TNS3: variants seen among roughly 807,000 people sequenced by gnomAD.
TNS3 encodes tensin-3.
A neutral mutation model predicts 140.9 loss-of-function variants in TNS3; 45 were observed. That is an observed-to-expected ratio of 0.32 (90% CI 0.25 to 0.41). The LOEUF (loss-of-function observed/expected upper bound fraction) is 0.41. Ranked by LOEUF, TNS3 falls within the 10% of genes least tolerant of loss-of-function variation. The pLI, the probability that TNS3 is intolerant of heterozygous loss-of-function variation, is 1.00. For missense variants in TNS3, 1,716 were observed against 1,906.7 expected, an observed-to-expected ratio of 0.90 and a Z score of 1.86; for synonymous variants, 815 against 788.4, an observed-to-expected ratio of 1.03 and a Z score of -0.56.
intron 16 of TNS3, among the ~76,000 whole-genome samples, chr7:47,391,841 C>T (rs1425888379): frequency 1.3e-5 from 2 of 152,104 alleles, no homozygotes; most frequent in Non-Finnish European, 2.9e-5. Context: ...GGTGGGGCAC[C>T]CAGTGAGACT....
chr7:47,507,424 C>T (rs561020266), intron 2 of TNS3, among the ~76,000 whole-genome samples: 2 of 152,122 alleles, frequency 1.3e-5, no homozygotes, highest in Non-Finnish European at 2.9e-5. Flanking sequence ...CATGAAAGAC[C>T]GGATGGGAGC....
rs377193643 is a variant in TNS3, at chr7:47,524,197, T to C, written c.-153+4839A>G. Among the ~76,000 whole-genome samples, 3 of 152,196 alleles carry C rather than the reference T, an allele frequency of 2.0e-5. No homozygotes were observed. In the East Asian group the frequency reaches 5.8e-4, roughly 29 times the overall value. ...GTGGTCCCGTCCTGCCTCACTGGCC[T>C]GGCAGACCAGGCCCTTTCACGTACA... On this transcript the variant is annotated intron_variant, in intron 2 of 30. Coordinates refer to ENST00000311160, the MANE Select transcript of TNS3 (RefSeq NM_022748.12).
chr7:47,365,679 G>A (rs967851935), intron 17 of TNS3, among the ~76,000 whole-genome samples: 3 of 152,062 alleles, frequency 2.0e-5, no homozygotes, highest in African/African-American at 7.2e-5. Flanking sequence ...AGAATGGTGC[G>A]AACCCGGGAG....
intron 20 of TNS3, among the ~76,000 whole-genome samples, chr7:47,338,646 C>G (rs547068512): frequency 6.6e-6 from 1 of 152,242 alleles, no homozygotes; most frequent in Non-Finnish European, 1.5e-5. Flanking sequence ...CAGCTGCATC[C>G]ATGTTGTTGC....
chr7:47,389,091 A>G (rs1364628210), intron 16 of TNS3, among the ~76,000 whole-genome samples: 1 of 74,984 alleles, frequency 1.3e-5, no homozygotes, highest in African/African-American at 6.2e-5. Context: ...GAAGAGGAAG[A>G]GGAAGAGGAA....
intron 3 of TNS3, 148 bp downstream of exon 3, chr7:47,506,759 T>G: frequency 2.5e-6 from 1 of 397,362 alleles, no homozygotes; most frequent in Non-Finnish European, 4.3e-6. Context: ...ATCCTTGAGA[T>G]GAAAAGTATA....
At chr7:47,466,652 G>A (rs1015538289) in intron 4 of TNS3, among the ~76,000 whole-genome samples, 18 of 152,126 alleles carry the variant, frequency 1.2e-4, no homozygotes, top group African/African-American at 4.3e-4. Flanking sequence ...ACTTGGCTAG[G>A]GTGAGGACTC....
At chr7:47,475,365 A>G (rs545752665) in intron 4 of TNS3, among the ~76,000 whole-genome samples, 1 of 152,378 alleles carries the variant, frequency 6.6e-6, no homozygotes, top group South Asian at 2.1e-4. Context: ...AAGGCCAAGC[A>G]AGAACAATCA....
intron 1 of TNS3, among the ~76,000 whole-genome samples, chr7:47,573,572 T>C (rs545381022): frequency 6.6e-6 from 1 of 152,322 alleles, no homozygotes; most frequent in South Asian, 2.1e-4. Context: ...CTGCCCACGC[T>C]GCCCCTCCAT....
At chr7:47,398,575 T>C (rs1792966537) in intron 15 of TNS3, among the ~76,000 whole-genome samples, 1 of 152,098 alleles carries the variant, frequency 6.6e-6, no homozygotes, top group African/African-American at 2.4e-5. Context: ...ACAAAAACCA[T>C]ATGTCATTTC....
chr7:47,343,419 C>T (rs1484515657), intron 20 of TNS3, among the ~76,000 whole-genome samples: 1 of 152,194 alleles, frequency 6.6e-6, no homozygotes, highest in African/African-American at 2.4e-5. Flanking sequence ...TTTCCTCAGG[C>T]TTATTACCCA....
chr7:47,382,375 G>C (rs1165390849), intron 16 of TNS3, among the ~76,000 whole-genome samples: 1 of 152,194 alleles, frequency 6.6e-6, no homozygotes, highest in Non-Finnish European at 1.5e-5. Context: ...TCTTGTTTAC[G>C]TAGCTGGCAG....
chr7:47,543,759 A>G (rs544973065), intron 1 of TNS3, among the ~76,000 whole-genome samples: 21 of 152,214 alleles, frequency 1.4e-4, no homozygotes, highest in African/African-American at 5.1e-4. Flanking sequence ...AAACGTCTCC[A>G]TTGGCTACAA....
intron 10 of TNS3, among the ~76,000 whole-genome samples, chr7:47,420,629 G>C (rs545247903): frequency 6.6e-6 from 1 of 152,322 alleles, no homozygotes; most frequent in African/African-American, 2.4e-5. Flanking sequence ...TGGGAAGTGG[G>C]CCAGCCTATA....
chr7:47,361,926 C>A (rs1370897093), intron 17 of TNS3, among the ~76,000 whole-genome samples: 3 of 152,120 alleles, frequency 2.0e-5, no homozygotes, highest in Admixed American at 6.5e-5. Context: ...TGAAAAAAAA[C>A]CACAGAACTG....
chr7:47,413,592 A>AG (rs1793909623), intron 12 of TNS3, among the ~76,000 whole-genome samples: 2 of 151,834 alleles, frequency 1.3e-5, no homozygotes, highest in African/African-American at 4.8e-5. Flanking sequence ...TGGTAATCAA[A>AG]GGGGGTCCTG....
chr7:47,456,341 C>T (rs1019616576), intron 4 of TNS3, among the ~76,000 whole-genome samples: 2 of 152,124 alleles, frequency 1.3e-5, no homozygotes, highest in African/African-American at 4.8e-5. Flanking sequence ...GCCGACCGAG[C>T]TTTTACCTGG....
At chr7:47,484,527 C>T (rs1797540751) in intron 3 of TNS3, among the ~76,000 whole-genome samples, 2 of 152,224 alleles carry the variant, frequency 1.3e-5, no homozygotes, top group African/African-American at 2.4e-5. Context: ...TACCGGCCTG[C>T]TCAGCACCAA....
chr7:47,443,041 C>A (rs528116585), intron 4 of TNS3, among the ~76,000 whole-genome samples: 1 of 152,184 alleles, frequency 6.6e-6, no homozygotes, highest in Non-Finnish European at 1.5e-5. Flanking sequence ...ATTCCAAAAC[C>A]ACAGAGATCA....
Sources: allele counts gnomAD v4.1 joint callset (sites outside exome capture counted in the v4.1 genomes callset), GRCh38; gene constraint gnomAD v4.1.1; transcripts MANE v1.5; gene names NCBI Gene and HGNC (gene_info 2026-07-23, HGNC 2026-07-21).